NCOA2: variants seen among roughly 807,000 people sequenced by gnomAD.
The protein encoded by NCOA2 is nuclear receptor coactivator 2.
A neutral mutation model predicts 145.1 loss-of-function variants in NCOA2; 21 were observed. The ratio of observed to expected loss-of-function variants is 0.14; its 90% CI spans 0.10 to 0.21. NCOA2 has a LOEUF of 0.21. Among genes scored for constraint, NCOA2 ranks in the 10% least tolerant of loss-of-function variants. NCOA2 has a pLI of 1.00. For missense variants in NCOA2, 1,472 were observed against 1,837.6 expected (o/e 0.80, Z 3.64); for synonymous variants, 619 against 637.5 (o/e 0.97, Z 0.44).
At chr8:70,435,538 T>G in the NCOA2 span, among the ~76,000 whole-genome samples, 5 of 151,024 alleles carry the variant, frequency 3.3e-5, no homozygotes, top group Non-Finnish European at 5.9e-5. Context: ...TACAAGCTAC[T>G]TAATCTCTCT....
At chr8:70,317,577 G>A (rs1805703590) in intron 1 of NCOA2, among the ~76,000 whole-genome samples, 1 of 152,172 alleles carries the variant, frequency 6.6e-6, no homozygotes, top group Non-Finnish European at 1.5e-5. Context: ...ATATGAGTAA[G>A]TGTTAGGTCC....
chr8:70,288,799 A>G (rs1748477948), intron 2 of NCOA2, among the ~76,000 whole-genome samples: 1 of 152,234 alleles, frequency 6.6e-6, no homozygotes. Context: ...TTGATACGCA[A>G]TATGTCAGCG....
chr8:70,167,051 T>C (rs1813692478), intron 6 of NCOA2, among the ~76,000 whole-genome samples: 1 of 152,222 alleles, frequency 6.6e-6, no homozygotes. Flanking sequence ...TTCTTTACCC[T>C]GACTCCTTCC....
At chr8:70,415,112 G>A in the NCOA2 span, among the ~76,000 whole-genome samples, 48 of 152,192 alleles carry the variant, frequency 3.2e-4, no homozygotes, top group East Asian at 7.7e-4. Context: ...AGGCTAGCCT[G>A]GGCAACATGG....
chr8:70,272,650 C>T (rs1041593257), intron 2 of NCOA2, among the ~76,000 whole-genome samples: 1 of 152,048 alleles, frequency 6.6e-6, no homozygotes, highest in African/African-American at 2.4e-5. Context: ...AGAGGGAACA[C>T]CAGAAAAATG....
chr8:70,440,942 A>G, the NCOA2 span, among the ~76,000 whole-genome samples: 7 of 150,792 alleles, frequency 4.6e-5, no homozygotes, highest in African/African-American at 1.7e-4. Context: ...GTGGGAGAAA[A>G]GGAAGAAGAA....
At chr8:70,131,800 A>G in intron 16 of NCOA2, 37 bp downstream of exon 16, 1 of 1,559,174 alleles carries the variant, frequency 6.4e-7, no homozygotes, top group South Asian at 1.2e-5. Flanking sequence ...CGCCCATGAG[A>G]GCGCTTGGCC....
intron 9 of NCOA2, 40 bp downstream of exon 9, chr8:70,162,670 AG>A: frequency 6.4e-7 from 1 of 1,573,082 alleles, no homozygotes. Context: ...AAGCTCCCAC[AG>A]GAAGCAATAA....
At chr8:70,433,148 A>G in the NCOA2 span, among the ~76,000 whole-genome samples, 1 of 152,232 alleles carries the variant, frequency 6.6e-6, no homozygotes, top group Non-Finnish European at 1.5e-5. Flanking sequence ...CTCCCATCAA[A>G]TTATATGAAT....
intron 1 of NCOA2, among the ~76,000 whole-genome samples, chr8:70,392,873 T>G (rs1370771338): frequency 6.6e-6 from 1 of 152,220 alleles, no homozygotes; most frequent in Non-Finnish European, 1.5e-5. Context: ...AATTCTTTAT[T>G]GTTTCTGATT....
chr8:70,247,390 T>A (rs1822720472), intron 2 of NCOA2, among the ~76,000 whole-genome samples: 1 of 152,250 alleles, frequency 6.6e-6, no homozygotes, highest in South Asian at 2.1e-4. Context: ...AATGTTTTAA[T>A]TGCTAAAGAA....
chr8:70,159,244 T>TATATATATATACATATGTATATATA lies in NCOA2; in HGVS notation c.1124+260_1124+261insTATATATACATATGTATATATATAT. Among the ~76,000 whole-genome samples, 14 of 69,304 alleles carry TATATATATATACATATGTATATATA rather than the reference T, an allele frequency of 2.0e-4. 3 individuals are homozygous for TATATATATATACATATGTATATATA. Among genetic ancestry groups the TATATATATATACATATGTATATATA allele is most frequent in the Non-Finnish European group, 3.8e-4 (13 of 34,544 alleles). The allele number at this position is 69,304 out of a possible 152,430, so 45.5% of individuals were successfully genotyped here. A position where few individuals can be genotyped will look rare whatever the true frequency, so the allele number is the denominator to read the frequency against. On this transcript the variant is annotated intron_variant, in intron 10 of 22. Coordinates refer to ENST00000452400, the MANE Select transcript of NCOA2 (RefSeq NM_006540.4). ...ACATTATATATATATATATATATAT[T>TATATATATATACATATGTATATATA]TTTTTTTTTTTCCCCCAAATATTTT...
At chr8:70,116,530 G>A (rs1055783231) in intron 22 of NCOA2, among the ~76,000 whole-genome samples, 5 of 151,324 alleles carry the variant, frequency 3.3e-5, no homozygotes, top group East Asian at 3.9e-4. Context: ...TAGCCTGGTC[G>A]ACACAGAGTC....
chr8:70,315,473 A>T (rs1315130912), intron 1 of NCOA2, among the ~76,000 whole-genome samples: 1 of 152,212 alleles, frequency 6.6e-6, no homozygotes, highest in Non-Finnish European at 1.5e-5. Flanking sequence ...AAACAATAAA[A>T]GCATTACTGG....
rs1234568332 is a variant in NCOA2 at position 70,129,067 on chromosome 8, A to G, written c.3325-87T>C. 1.8e-5 allele frequency: 23 copies of G among 1,277,336 alleles called. No homozygotes were observed. The South Asian group carries it at 2.4e-4, about 13-fold the overall frequency. 79.1% of individuals were successfully genotyped at this position (1,277,336 alleles called of 1,614,324 possible). On this transcript the variant is annotated intron_variant, in intron 16 of 22. Coordinates refer to ENST00000452400, the MANE Select transcript of NCOA2 (RefSeq NM_006540.4). Reference sequence around the variant, plus strand: ...TAAGGCTGTTTTCTCTCACTATCATATATTTGAAGCTTTTTATACTTTTTA... The same window carrying G: ...TAAGGCTGTTTTCTCTCACTATCATGTATTTGAAGCTTTTTATACTTTTTA...
At chr8:70,225,919 A>C (rs1820590759) in intron 2 of NCOA2, among the ~76,000 whole-genome samples, 1 of 152,160 alleles carries the variant, frequency 6.6e-6, no homozygotes, top group Admixed American at 6.5e-5. Flanking sequence ...TGGAGCAATA[A>C]TACATACCTT....
At chr8:70,228,880 GT>G (rs1820895088) in intron 2 of NCOA2, among the ~76,000 whole-genome samples, 1 of 152,080 alleles carries the variant, frequency 6.6e-6, no homozygotes, top group African/African-American at 2.4e-5. Context: ...TTAAACCCTG[GT>G]TCTAGTTGGG....
chr8:70,182,920 G>A (rs182693212), intron 4 of NCOA2, among the ~76,000 whole-genome samples: 35 of 152,304 alleles, frequency 2.3e-4, no homozygotes, highest in Admixed American at 4.6e-4. Flanking sequence ...AGTGCTTCAA[G>A]TTAGTGAACT....
At chr8:70,400,765 G>T (rs899700974) in intron 1 of NCOA2, among the ~76,000 whole-genome samples, 1 of 152,122 alleles carries the variant, frequency 6.6e-6, no homozygotes, top group African/African-American at 2.4e-5. Flanking sequence ...TGGTAAATTT[G>T]AAAACACTAT....
Sources: gnomAD v4.1 joint callset for allele counts (sites outside exome capture counted in the v4.1 genomes callset) on GRCh38, gnomAD v4.1.1 for gene constraint, MANE v1.5 for transcripts, NCBI Gene and HGNC (gene_info 2026-07-23, HGNC 2026-07-21) for gene names.